PPP1R12B: variants seen among roughly 807,000 people sequenced by gnomAD.
The protein encoded by PPP1R12B is protein phosphatase 1 regulatory subunit 12B.
In PPP1R12B, 76 loss-of-function variants were observed where a neutral mutation model predicts 126.1. That is an observed-to-expected ratio of 0.60 (90% CI 0.50 to 0.73). The LOEUF (loss-of-function observed/expected upper bound fraction) is 0.73, where lower values mean the gene tolerates loss of function less well. Among genes scored for constraint, PPP1R12B ranks in the 30% least tolerant of loss-of-function variants. PPP1R12B has a pLI of 0.00. For missense variants in PPP1R12B, 1,052 were observed against 1,205.1 expected (o/e 0.87, Z 1.88); for synonymous variants, 356 against 434.7 (o/e 0.82, Z 2.25).
chr1:202,474,290 A>G (rs1572187280), intron 13 of PPP1R12B, among the ~76,000 whole-genome samples: 2 of 144,120 alleles, frequency 1.4e-5, no homozygotes, highest in Non-Finnish European at 3.1e-5. Flanking sequence ...AACAAATTGC[A>G]TTTTTTTTTT....
intron 23 of PPP1R12B, 120 bp downstream of exon 23, chr1:202,569,317 A>T (rs1265281649): frequency 2.0e-6 from 2 of 1,008,518 alleles, no homozygotes; most frequent in Non-Finnish European, 3.0e-6. Context: ...CTGCAAGAAG[A>T]AATGATGTGT....
intron 13 of PPP1R12B, among the ~76,000 whole-genome samples, chr1:202,457,303 A>G (rs1398850360): frequency 6.6e-6 from 1 of 152,164 alleles, no homozygotes; most frequent in Non-Finnish European, 1.5e-5. Context: ...TAATCCCAGC[A>G]CTTTGGGAGG....
rs766035645 is a variant in PPP1R12B at position 202,437,904 on chromosome 1, C to A, written c.1338C>A (p.Gly446=). The A allele has an allele frequency of 3.7e-6, 6 of 1,613,864 alleles. No homozygotes were observed. The highest frequency in any genetic ancestry group is 3.4e-6 in the Non-Finnish European group (4 of 1,179,778). Residue 446 remains glycine (G), a synonymous_variant, in exon 10 of 24, where the codon GGC becomes GGA. Coordinates refer to ENST00000608999, the MANE Select transcript of PPP1R12B (RefSeq NM_002481.4). The stretch of plus-strand genomic sequence containing the variant: ...GGAGATTGGGACTGAGAAAAACTGG[C>A]AGCCACAACATGCTGAGTGAGGTGG... The part of the protein sequence containing the change: ...SSWRLGLRKT[G]SHNMLSEVAN...
rs372406900 is a variant in PPP1R12B at position 202,423,976 on chromosome 1, C to T, written c.541+1238C>T. Among the ~76,000 whole-genome samples, 11 of 152,284 alleles carry T rather than the reference C, an allele frequency of 7.2e-5. No homozygotes were observed. In the East Asian group the frequency reaches 1.3e-3, roughly 19 times the overall value. ...CCGGGATTAAAGGTGTGAGCTATAGCGCCTGGCTTTGTGCGCTATTGAATT... is the reference window on the plus strand; with the variant it reads ...CCGGGATTAAAGGTGTGAGCTATAGTGCCTGGCTTTGTGCGCTATTGAATT... On this transcript the variant is annotated intron_variant, in intron 3 of 23. Transcript: ENST00000608999.
intron 1 of PPP1R12B, among the ~76,000 whole-genome samples, chr1:202,360,893 T>A (rs1439190035): frequency 7.2e-4 from 1 of 1,388 alleles, no homozygotes; most frequent in Non-Finnish European, 0.05. Context: ...CCATTAGCTC[T>A]TTTTTTTTTT....
intron 13 of PPP1R12B, among the ~76,000 whole-genome samples, chr1:202,453,720 T>G (rs1673287467): frequency 6.6e-6 from 1 of 151,988 alleles, no homozygotes; most frequent in Non-Finnish European, 1.5e-5. Flanking sequence ...TTTTTTTTTT[T>G]TATAAAGACA....
intron 18 of PPP1R12B, 199 bp from the exon 19 acceptor site, chr1:202,558,678 G>A: frequency 2.0e-6 from 1 of 505,664 alleles, no homozygotes. Flanking sequence ...GCAAAGAAGT[G>A]TGAACTAGGG....
Position 202,428,573 on chromosome 1 carries a change from G to A in PPP1R12B, c.847-282G>A, listed in dbSNP as rs568598407. 10 of 366,254 alleles carry A rather than the reference G, an allele frequency of 2.7e-5. No homozygotes were observed. In the East Asian group the frequency reaches 6.5e-4, roughly 24 times the overall value. 22.7% of individuals were successfully genotyped at this position (366,254 alleles called of 1,614,324 possible). ...ACCATTTTAGAACAGATACAAGTAG[G>A]GATTTCACTTGATTATTTGCCAGGT... On this transcript the variant is annotated intron_variant, in intron 5 of 23. Coordinates refer to ENST00000608999, the MANE Select transcript of PPP1R12B (RefSeq NM_002481.4).
At chr1:202,446,667 A>G (rs1252932848) in intron 12 of PPP1R12B, among the ~76,000 whole-genome samples, 3 of 151,250 alleles carry the variant, frequency 2.0e-5, no homozygotes, top group Non-Finnish European at 4.4e-5. Context: ...TACAGCTGCC[A>G]TTTGTTGGAC....
chr1:202,549,757 T>A (rs1202927149), intron 18 of PPP1R12B, among the ~76,000 whole-genome samples: 3 of 152,148 alleles, frequency 2.0e-5, no homozygotes, highest in Non-Finnish European at 4.4e-5. Context: ...AGTGTGCATA[T>A]TTTACCTCCT....
At chr1:202,445,054 T>G (rs1217105458) in intron 12 of PPP1R12B, 1 of 1,247,292 alleles carries the variant, frequency 8.0e-7, no homozygotes, top group Non-Finnish European at 1.0e-6. Flanking sequence ...AGTGCTTCAT[T>G]TGGTAGAAGT....
chr1:202,492,804 C>T (rs1378314967), intron 14 of PPP1R12B, among the ~76,000 whole-genome samples: 1 of 152,046 alleles, frequency 6.6e-6, no homozygotes, highest in African/African-American at 2.4e-5. Context: ...AATAAAGATA[C>T]TGAGAACTAT....
At chr1:202,409,943 TG>T (rs1214166393) in intron 1 of PPP1R12B, among the ~76,000 whole-genome samples, 1 of 152,236 alleles carries the variant, frequency 6.6e-6, no homozygotes, top group Non-Finnish European at 1.5e-5. Context: ...TGTATATCTT[TG>T]GATACATGTC....
intron 13 of PPP1R12B, among the ~76,000 whole-genome samples, chr1:202,468,101 T>A (rs1675299130): frequency 6.6e-6 from 1 of 152,210 alleles, no homozygotes. Context: ...TTTGTTTGAG[T>A]TCGTTGTAGA....
At chr1:202,489,173 C>G (rs1024406034) in intron 14 of PPP1R12B, among the ~76,000 whole-genome samples, 1 of 152,222 alleles carries the variant, frequency 6.6e-6, no homozygotes, top group Non-Finnish European at 1.5e-5. Flanking sequence ...CCCATTCTCA[C>G]CAATATTCCT....
At chr1:202,577,646 C>T (rs748732034) in intron 23 of PPP1R12B, among the ~76,000 whole-genome samples, 1 of 151,934 alleles carries the variant, frequency 6.6e-6, no homozygotes, top group African/African-American at 2.4e-5. Flanking sequence ...CAACAAAATA[C>T]CAGAGGGGAC....
chr1:202,353,584 CTTTG>C (rs1211702152), intron 1 of PPP1R12B, among the ~76,000 whole-genome samples: 2 of 78,680 alleles, frequency 2.5e-5, no homozygotes, highest in African/African-American at 9.8e-5. Flanking sequence ...TATTCTTCTT[CTTTG>C]TGTGTGTGTG....
At chr1:202,446,352 C>T (rs1368871797) in intron 12 of PPP1R12B, among the ~76,000 whole-genome samples, 13 of 146,088 alleles carry the variant, frequency 8.9e-5, no homozygotes, top group South Asian at 8.6e-4. Flanking sequence ...CTCCCGGGCT[C>T]GAGCAATTCT....
chr1:202,422,897 CATA>C (rs1252010854), intron 3 of PPP1R12B, among the ~76,000 whole-genome samples, 159 bp downstream of exon 3: 2 of 152,202 alleles, frequency 1.3e-5, no homozygotes, highest in Non-Finnish European at 2.9e-5. Context: ...CATGTATCCT[CATA>C]ATAACTCAGA....
Sources: allele counts gnomAD v4.1 joint callset (sites outside exome capture counted in the v4.1 genomes callset), GRCh38; gene constraint gnomAD v4.1.1; transcripts MANE v1.5; gene names NCBI Gene and HGNC (gene_info 2026-07-23, HGNC 2026-07-21).